Variants in SORBS2 observed in about 807,000 individuals in gnomAD.
SORBS2 encodes sorbin and SH3 domain containing 2, also known as sorbin and SH3 domain-containing protein 2.
A neutral mutation model predicts 97.7 loss-of-function variants in SORBS2; 46 were observed. The ratio of observed to expected loss-of-function variants is 0.47; its 90% CI spans 0.37 to 0.60. The LOEUF (loss-of-function observed/expected upper bound fraction) is 0.60, where lower values mean the gene tolerates loss of function less well. Among genes scored for constraint, SORBS2 ranks in the 20% least tolerant of loss-of-function variants. The pLI, the probability that SORBS2 is intolerant of heterozygous loss-of-function variation, is 0.00. For missense variants in SORBS2, 1,316 were observed against 1,282.3 expected, an observed-to-expected ratio of 1.03 and a Z score of -0.40; for synonymous variants, 476 against 473.4, an observed-to-expected ratio of 1.01 and a Z score of -0.07.
intron 2 of SORBS2, among the ~76,000 whole-genome samples, chr4:185,707,473 A>G (rs79841779): frequency 1.7e-3 from 257 of 152,122 alleles, no homozygotes; most frequent in African/African-American, 5.9e-3. Context: ...ATGCTCATGT[A>G]TACTATAATT....
At chr4:185,780,662 C>T (rs573187035) in intron 1 of SORBS2, among the ~76,000 whole-genome samples, 77 of 152,228 alleles carry the variant, frequency 5.1e-4, no homozygotes, top group Non-Finnish European at 8.2e-4. Context: ...CCATGATTTA[C>T]GCCTTTTTGC....
intron 9 of SORBS2, among the ~76,000 whole-genome samples, chr4:185,617,522 T>C (rs2096647233): frequency 7.9e-6 from 1 of 125,982 alleles, no homozygotes; most frequent in Non-Finnish European, 1.6e-5. Flanking sequence ...ATTATTTTGG[T>C]TATTATATAT....
chr4:185,608,291 A>G (rs778555095), intron 12 of SORBS2, among the ~76,000 whole-genome samples: 3 of 152,272 alleles, frequency 2.0e-5, no homozygotes, highest in Non-Finnish European at 4.4e-5. Flanking sequence ...TCTGAAAACT[A>G]TGTCTCAAAG....
intron 1 of SORBS2, among the ~76,000 whole-genome samples, chr4:185,825,592 C>T (rs376070286): frequency 1.3e-3 from 199 of 152,222 alleles, no homozygotes; most frequent in Middle Eastern, 3.4e-3. Flanking sequence ...TTTCTTTTTG[C>T]CATTGATCTA....
intron 2 of SORBS2, among the ~76,000 whole-genome samples, chr4:185,686,605 T>C (rs1385968170): frequency 6.6e-6 from 1 of 152,210 alleles, no homozygotes; most frequent in Admixed American, 6.5e-5. Flanking sequence ...ATGGAGGTGA[T>C]GTTATTGCTT....
intron 12 of SORBS2, among the ~76,000 whole-genome samples, chr4:185,610,820 T>C: frequency 6.6e-6 from 1 of 152,164 alleles, no homozygotes; most frequent in East Asian, 1.9e-4. Flanking sequence ...ATTAATAAAT[T>C]AGGCAACTTA....
intron 1 of SORBS2, among the ~76,000 whole-genome samples, chr4:185,807,003 T>C (rs1391508970): frequency 6.6e-6 from 1 of 152,142 alleles, no homozygotes; most frequent in Non-Finnish European, 1.5e-5. Flanking sequence ...AGGATATAAT[T>C]CATTATAAGA....
chr4:185,790,163 T>C (rs777319342), intron 1 of SORBS2, among the ~76,000 whole-genome samples: 2 of 152,016 alleles, frequency 1.3e-5, no homozygotes, highest in Non-Finnish European at 2.9e-5. Flanking sequence ...ATTCAGGATA[T>C]GAGAAGACAG....
intron 1 of SORBS2, among the ~76,000 whole-genome samples, chr4:185,844,504 T>C (rs565860777): frequency 6.6e-6 from 1 of 152,306 alleles, no homozygotes; most frequent in South Asian, 2.1e-4. Context: ...TGAATACTCA[T>C]ATACGGCTGG....
At chr4:185,683,717 G>A (rs1333839706) in intron 2 of SORBS2, among the ~76,000 whole-genome samples, 7 of 152,024 alleles carry the variant, frequency 4.6e-5, no homozygotes, top group African/African-American at 9.7e-5. Context: ...AAACTTGGAC[G>A]TTGAAATCCA....
intron 4 of SORBS2, among the ~76,000 whole-genome samples, chr4:185,637,190 G>A (rs1422522076): frequency 6.6e-6 from 1 of 152,170 alleles, no homozygotes; most frequent in Non-Finnish European, 1.5e-5. Context: ...TGGTCCTATG[G>A]GATTATAAGA....
chr4:185,736,788 A>T (rs1435643923), intron 2 of SORBS2, among the ~76,000 whole-genome samples: 1 of 152,214 alleles, frequency 6.6e-6, no homozygotes, highest in East Asian at 1.9e-4. Context: ...GGGGAAAGAC[A>T]TCATCCACAC....
At chr4:185,746,609 C>T (rs959504132) in intron 2 of SORBS2, among the ~76,000 whole-genome samples, 12 of 152,122 alleles carry the variant, frequency 7.9e-5, no homozygotes, top group South Asian at 2.1e-4. Context: ...TGGGCCACCG[C>T]GCCCGGCCTT....
intron 3 of SORBS2, 22 bp downstream of exon 6, chr4:185,678,772 TTA>T (rs1404431414): frequency 7.1e-7 from 1 of 1,413,242 alleles, no homozygotes; most frequent in Non-Finnish European, 9.5e-7. Flanking sequence ...AATATAATAA[TTA>T]TTCAGAATAT....
At chr4:185,665,871 C>T in intron 4 of SORBS2, 1 of 1,180,956 alleles carries the variant, frequency 8.5e-7, no homozygotes, top group Non-Finnish European at 1.1e-6. Flanking sequence ...CTGTGGAGGA[C>T]TCACTCTCCG....
At chr4:185,797,809 A>C (rs1012602261) in intron 1 of SORBS2, among the ~76,000 whole-genome samples, 2 of 152,126 alleles carry the variant, frequency 1.3e-5, no homozygotes, top group Non-Finnish European at 2.9e-5. Context: ...CTGTTCCTAC[A>C]TTCCAGACGC....
intron 3 of SORBS2, among the ~76,000 whole-genome samples, chr4:185,648,711 T>C (rs1466201880): frequency 1.3e-5 from 2 of 152,176 alleles, no homozygotes. Context: ...GACCCTGGCT[T>C]GGACATAACG....
At chr4:185,924,799 C>T (rs1439384773) in intron 1 of SORBS2, among the ~76,000 whole-genome samples, 2 of 152,210 alleles carry the variant, frequency 1.3e-5, no homozygotes, top group African/African-American at 4.8e-5. Context: ...AATCCCCACT[C>T]CCTCCGTCTC....
intron 2 of SORBS2, among the ~76,000 whole-genome samples, chr4:185,760,206 T>C (rs541958334): frequency 2.6e-5 from 4 of 152,354 alleles, no homozygotes; most frequent in Admixed American, 1.3e-4. Context: ...GACTCATTAT[T>C]TAATTACTCT....
Sources: allele counts gnomAD v4.1 joint callset (sites outside exome capture counted in the v4.1 genomes callset), GRCh38; gene constraint gnomAD v4.1.1; transcripts MANE v1.5; gene names NCBI Gene and HGNC (gene_info 2026-07-23, HGNC 2026-07-21).